Variants in RSPO2 observed in about 807,000 individuals in gnomAD.
RSPO2 encodes R-spondin-2.
Under a neutral mutation model 30.9 loss-of-function variants are expected in RSPO2, and 14 were observed. The ratio of observed to expected loss-of-function variants is 0.45; its 90% CI spans 0.30 to 0.71. RSPO2 has a LOEUF of 0.71. Ranked by LOEUF, RSPO2 falls within the 30% of genes least tolerant of loss-of-function variation. The pLI is 0.08. For missense variants in RSPO2, 264 were observed against 301.9 expected (o/e 0.87, Z 0.93); for synonymous variants, 107 against 96.4 (o/e 1.11, Z -0.64).
chr8:108,019,377 T>TA lies in RSPO2; in HGVS notation c.95-30134dup, dbSNP rs549034153. Among the ~76,000 whole-genome samples the TA allele has an allele frequency of 3.9e-3, 584 of 151,434 alleles. 3 individuals carry two copies. The highest frequency in any genetic ancestry group is 0.013 in the African/African-American group (538 of 41,280). ...TCAAAAAAATAATAATAAATTAAGG[T>TA]AAAAAAAATAAAATTCACACATACA... is the stretch of plus-strand genomic sequence containing the variant. On this transcript the variant is annotated intron_variant, in intron 2 of 5. Coordinates refer to ENST00000276659, the MANE Select transcript of RSPO2 (RefSeq NM_178565.5).
chr8:107,903,751 T>C (rs1297331412), intron 5 of RSPO2, among the ~76,000 whole-genome samples: 1 of 152,108 alleles, frequency 6.6e-6, no homozygotes, highest in Non-Finnish European at 1.5e-5. Flanking sequence ...CTCTCTTGAA[T>C]GACACCTCTT....
chr8:108,015,955 A>C (rs976416619), intron 2 of RSPO2, among the ~76,000 whole-genome samples: 2 of 152,200 alleles, frequency 1.3e-5, no homozygotes, highest in African/African-American at 4.8e-5. Context: ...GAATGCAGAG[A>C]AAGGAAAGAT....
chr8:108,062,203 G>T (rs1290211774), intron 2 of RSPO2, among the ~76,000 whole-genome samples: 1 of 151,680 alleles, frequency 6.6e-6, no homozygotes, highest in Non-Finnish European at 1.5e-5. Context: ...AACTGAAGGA[G>T]ATAGAGACAT....
chr8:107,960,497 AT>A (rs1434049306), intron 4 of RSPO2, among the ~76,000 whole-genome samples, 176 bp downstream of exon 4: 1 of 152,214 alleles, frequency 6.6e-6, no homozygotes, highest in African/African-American at 2.4e-5. Flanking sequence ...TTACAGCAAG[AT>A]ATGAGACTAT....
At chr8:108,042,996 A>T (rs543315229) in intron 2 of RSPO2, among the ~76,000 whole-genome samples, 1 of 152,282 alleles carries the variant, frequency 6.6e-6, no homozygotes, top group Non-Finnish European at 1.5e-5. Context: ...CTTATAAAGG[A>T]CACGGCTAAA....
At chr8:108,075,680 T>G (rs75706879) in intron 2 of RSPO2, among the ~76,000 whole-genome samples, 45,651 of 149,404 alleles carry the variant, frequency 0.31, 7,671 homozygotes, top group African/African-American at 0.47. Flanking sequence ...TTATACCTGT[T>G]TTTTTTTTTA....
chr8:107,958,355 AGT>A, intron 4 of RSPO2, 87 bp from the exon 5 acceptor site: 2 of 1,112,138 alleles, frequency 1.8e-6, no homozygotes, highest in South Asian at 3.0e-5. Flanking sequence ...TTTACAGAGC[AGT>A]GTTCCTTCAC....
At chr8:108,047,845 C>T (rs1410946772) in intron 2 of RSPO2, among the ~76,000 whole-genome samples, 5 of 136,852 alleles carry the variant, frequency 3.7e-5, no homozygotes, top group Non-Finnish European at 8.1e-5. Context: ...AGCAAGACTC[C>T]GGCTCAGGGA....
intron 5 of RSPO2, among the ~76,000 whole-genome samples, chr8:107,928,190 G>A (rs529131046): frequency 1.1e-4 from 17 of 152,110 alleles, no homozygotes; most frequent in South Asian, 8.3e-4. Context: ...CCCTTCTGTC[G>A]TTACTTCAGT....
At chr8:107,918,884 T>TTTA (rs1812064600) in intron 5 of RSPO2, among the ~76,000 whole-genome samples, 1 of 152,168 alleles carries the variant, frequency 6.6e-6, no homozygotes, top group African/African-American at 2.4e-5. Flanking sequence ...AACTATAGTA[T>TTTA]ATCTGTTGTT....
At chr8:108,003,443 C>A (rs112899387) in intron 2 of RSPO2, among the ~76,000 whole-genome samples, 26,322 of 149,626 alleles carry the variant, frequency 0.18, 2,871 homozygotes, top group Middle Eastern at 0.27. Context: ...TCCCAAAGTG[C>A]TGGGATTACA....
intron 4 of RSPO2, among the ~76,000 whole-genome samples, chr8:107,959,310 T>C (rs1201841982): frequency 6.6e-6 from 1 of 152,220 alleles, no homozygotes; most frequent in Non-Finnish European, 1.5e-5. Context: ...ATGTATGTTT[T>C]TACTACATAC....
rs1813493917 is a variant in RSPO2 at position 107,958,249 on chromosome 8, AT to A, written c.446del (p.His149LeufsTer33). The A allele has an allele frequency of 6.2e-7, 1 of 1,613,436 alleles. No homozygotes were observed. The highest frequency in any genetic ancestry group is 8.5e-7 in the Non-Finnish European group (1 of 1,179,584). ...TGCTACAAGTTCCCCATTCGCTCCA[AT>A]GACCAACTTCACATCCTTCTAGTAA... ...MECVEGCEVGHWSEWGTCSRN... is the reference protein window; with the variant it reads ...MECVEGCEVGXWSEWGTCSRN... On this transcript the variant is annotated frameshift_variant, in exon 5 of 6. Transcript: ENST00000276659. LOFTEE classifies it high-confidence loss of function.
chr8:108,055,120 C>CAAAAGA (rs148725015), intron 2 of RSPO2, among the ~76,000 whole-genome samples: 7,845 of 151,734 alleles, frequency 0.052, 626 homozygotes, highest in African/African-American at 0.17. Flanking sequence ...GACCTTGTAT[C>CAAAAGA]AAAAGAAAAA....
At chr8:107,948,197 C>G (rs1295492425) in intron 5 of RSPO2, among the ~76,000 whole-genome samples, 1 of 152,174 alleles carries the variant, frequency 6.6e-6, no homozygotes, top group African/African-American at 2.4e-5. Context: ...GCTATAAACT[C>G]TCTTGTTTGT....
chr8:107,976,876 A>C (rs570654019), intron 3 of RSPO2, among the ~76,000 whole-genome samples: 1 of 152,366 alleles, frequency 6.6e-6, no homozygotes, highest in African/African-American at 2.4e-5. Context: ...TTCAATCAGA[A>C]CTTTATCAAC....
rs1003860319 is a variant in RSPO2, at chr8:107,930,823, GATTA to G, written c.616+27253_616+27256del. Reference sequence around the variant, plus strand: ...CAGAGCCAGGCATTGAGGTTTGCCCGATTACCAGACACTTGGCTTAACCAGTGTG... The same window carrying G: ...CAGAGCCAGGCATTGAGGTTTGCCCGCCAGACACTTGGCTTAACCAGTGTG... On this transcript the variant is annotated intron_variant, in intron 5 of 5. Coordinates refer to ENST00000276659, the MANE Select transcript of RSPO2 (RefSeq NM_178565.5). Among the ~76,000 whole-genome samples, 5 of 152,222 alleles carry G rather than the reference GATTA, an allele frequency of 3.3e-5. No homozygotes were observed. The East Asian group carries it at 9.7e-4, about 29-fold the overall frequency.
chr8:107,940,553 G>T (rs1315870378), intron 5 of RSPO2, among the ~76,000 whole-genome samples: 1 of 152,146 alleles, frequency 6.6e-6, no homozygotes, highest in East Asian at 1.9e-4. Flanking sequence ...AAAGTCAGAT[G>T]GTCTTTTTCT....
chr8:107,929,711 G>A (rs573084345), intron 5 of RSPO2, among the ~76,000 whole-genome samples: 3 of 152,196 alleles, frequency 2.0e-5, no homozygotes, highest in Admixed American at 1.3e-4. Flanking sequence ...GAACTATCTA[G>A]TATATATTAT....
Sources: allele counts gnomAD v4.1 joint callset (sites outside exome capture counted in the v4.1 genomes callset), GRCh38; gene constraint gnomAD v4.1.1; transcripts MANE v1.5; gene names NCBI Gene and HGNC (gene_info 2026-07-23, HGNC 2026-07-21).